The following GPC6 variants were observed in gnomAD, a reference collection of about 807,000 sequenced individuals.
GPC6 encodes the protein glypican 6.
A neutral mutation model predicts 55.2 loss-of-function variants in GPC6; 14 were observed. The ratio of observed to expected loss-of-function variants is 0.25; its 90% CI spans 0.17 to 0.40. The LOEUF is 0.40. Among genes scored for constraint, GPC6 ranks in the 10% least tolerant of loss-of-function variants. The pLI, the probability that GPC6 is intolerant of heterozygous loss-of-function variation, is 1.00. For missense variants in GPC6, 641 were observed against 708.5 expected (o/e 0.90, Z 1.08); for synonymous variants, 278 against 259.6 (o/e 1.07, Z -0.68).
intron 2 of GPC6, among the ~76,000 whole-genome samples, chr13:93,741,126 T>G (rs1403980476): frequency 3.5e-5 from 5 of 142,094 alleles, no homozygotes; most frequent in Non-Finnish European, 7.7e-5. Flanking sequence ...TCTTTTTTTT[T>G]TTTTTTTTTT....
intron 4 of GPC6, among the ~76,000 whole-genome samples, chr13:94,117,334 T>C (rs1593950017): frequency 6.6e-6 from 1 of 152,126 alleles, no homozygotes; most frequent in East Asian, 1.9e-4. Flanking sequence ...TTCTATGTCA[T>C]TAACAAATGG....
At chr13:93,614,993 G>T (rs1878654181) in intron 2 of GPC6, among the ~76,000 whole-genome samples, 1 of 151,948 alleles carries the variant, frequency 6.6e-6, no homozygotes, top group Non-Finnish European at 1.5e-5. Context: ...ATGATATCAT[G>T]GGTATGAATA....
chr13:94,122,898 A>T (rs1310676375), intron 4 of GPC6, among the ~76,000 whole-genome samples: 4 of 152,122 alleles, frequency 2.6e-5, no homozygotes, highest in Admixed American at 1.3e-4. Flanking sequence ...TTGTTTGCAG[A>T]ACATGTTTAC....
intron 2 of GPC6, among the ~76,000 whole-genome samples, chr13:93,577,301 A>G (rs1876712407): frequency 6.6e-6 from 1 of 152,168 alleles, no homozygotes; most frequent in African/African-American, 2.4e-5. Context: ...AGGAAGTTGG[A>G]GTGGAAAAGG....
At chr13:93,270,596 A>C (rs1877484634) in intron 1 of GPC6, among the ~76,000 whole-genome samples, 1 of 152,076 alleles carries the variant, frequency 6.6e-6, no homozygotes, top group Non-Finnish European at 1.5e-5. Flanking sequence ...TTCTCACTGA[A>C]GCATTTCCAG....
intron 6 of GPC6, among the ~76,000 whole-genome samples, chr13:94,316,786 A>G (rs1288244790): frequency 6.6e-6 from 1 of 152,002 alleles, no homozygotes; most frequent in Non-Finnish European, 1.5e-5. Flanking sequence ...TCAGATCCAG[A>G]CAATATGTAT....
intron 4 of GPC6, among the ~76,000 whole-genome samples, chr13:94,101,406 G>A (rs1299605166): frequency 1.3e-5 from 2 of 152,176 alleles, no homozygotes; most frequent in South Asian, 2.1e-4. Flanking sequence ...CATGGACTGT[G>A]ATCACCTGTA....
chr13:93,401,486 A>T (rs965235590), intron 1 of GPC6, among the ~76,000 whole-genome samples: 2 of 151,620 alleles, frequency 1.3e-5, no homozygotes, highest in African/African-American at 4.8e-5. Flanking sequence ...GAATTATTGC[A>T]ATTTATTTCC....
At chr13:94,231,311 G>A (rs927616682) in intron 4 of GPC6, among the ~76,000 whole-genome samples, 6 of 152,132 alleles carry the variant, frequency 3.9e-5, no homozygotes, top group African/African-American at 1.4e-4. Context: ...ATCCAACCAT[G>A]AAGAGAGAGG....
chr13:93,457,926 G>T (rs1373835801), intron 1 of GPC6, among the ~76,000 whole-genome samples: 2 of 152,258 alleles, frequency 1.3e-5, no homozygotes, highest in South Asian at 2.1e-4. Context: ...GACTTGAAAT[G>T]TTGAGCCATT....
intron 4 of GPC6, among the ~76,000 whole-genome samples, chr13:94,162,465 C>T (rs757464477): frequency 3.9e-5 from 6 of 152,190 alleles, no homozygotes; most frequent in African/African-American, 7.2e-5. Flanking sequence ...AATGGGACTG[C>T]GCCCAGCCCT....
At chr13:94,026,199 T>G (rs1882888550) in intron 3 of GPC6, among the ~76,000 whole-genome samples, 1 of 152,236 alleles carries the variant, frequency 6.6e-6, no homozygotes, top group Admixed American at 6.5e-5. Context: ...AATAATTTTT[T>G]TAGTGATTTT....
At chr13:93,857,816 C>T (rs548319760) in intron 3 of GPC6, among the ~76,000 whole-genome samples, 20 of 151,096 alleles carry the variant, frequency 1.3e-4, no homozygotes, top group African/African-American at 4.1e-4. Flanking sequence ...ATATACACCC[C>T]GAATAAAGAA....
At chr13:93,749,273 C>T (rs563723726) in intron 2 of GPC6, among the ~76,000 whole-genome samples, 132 of 151,914 alleles carry the variant, frequency 8.7e-4, no homozygotes, top group African/African-American at 2.9e-3. Context: ...ATTTTCCAAC[C>T]TACTTTTATC....
intron 2 of GPC6, among the ~76,000 whole-genome samples, chr13:93,790,353 C>G (rs958232941): frequency 6.6e-6 from 1 of 152,132 alleles, no homozygotes; most frequent in African/African-American, 2.4e-5. Flanking sequence ...TAAATGTGGA[C>G]ACTACAGATT....
At chr13:94,397,044 G>A (rs111979474) in intron 7 of GPC6, among the ~76,000 whole-genome samples, 1 of 152,128 alleles carries the variant, frequency 6.6e-6, no homozygotes, top group Non-Finnish European at 1.5e-5. Flanking sequence ...GCAGTGCCTG[G>A]TAGTTATTGG....
At chr13:93,956,144 T>G (rs1879497844) in intron 3 of GPC6, among the ~76,000 whole-genome samples, 1 of 152,052 alleles carries the variant, frequency 6.6e-6, no homozygotes, top group Non-Finnish European at 1.5e-5. Flanking sequence ...TTGCTTGACC[T>G]CCTGCAACTG....
chr13:94,193,640 T>C (rs1889471184), intron 4 of GPC6, among the ~76,000 whole-genome samples: 1 of 152,086 alleles, frequency 6.6e-6, no homozygotes, highest in Non-Finnish European at 1.5e-5. Flanking sequence ...GCTTGGGGTA[T>C]AGGAGAAATG....
chr13:93,334,730 G>C (rs1394984053), intron 1 of GPC6, among the ~76,000 whole-genome samples: 1 of 152,308 alleles, frequency 6.6e-6, no homozygotes, highest in East Asian at 1.9e-4. Flanking sequence ...GCCTCCCAAA[G>C]TGTTGCGATT....
Sources: allele counts gnomAD v4.1 joint callset (sites outside exome capture counted in the v4.1 genomes callset), GRCh38; gene constraint gnomAD v4.1.1; transcripts MANE v1.5; gene names NCBI Gene and HGNC (gene_info 2026-07-23, HGNC 2026-07-21).